The following PTPRH variants were observed in gnomAD, a reference collection of about 807,000 sequenced individuals.
PTPRH encodes receptor-type tyrosine-protein phosphatase H.
A neutral mutation model predicts 130.2 loss-of-function variants in PTPRH; 113 were observed. The observed-to-expected ratio is 0.87, with a 90% CI of 0.75 to 1.01. The LOEUF (loss-of-function observed/expected upper bound fraction) is 1.01. Ranked by LOEUF, PTPRH falls within the 50% of genes least tolerant of loss-of-function variation. The pLI, the probability that PTPRH is intolerant of heterozygous loss-of-function variation, is 0.00. For synonymous variants in PTPRH, 556 were observed against 577.9 expected, an observed-to-expected ratio of 0.96 and a Z score of 0.54; for missense variants, 1,430 against 1,425.0, an observed-to-expected ratio of 1.00 and a Z score of -0.06.
Position 55,182,126 on chromosome 19 carries a change from G to C in PTPRH, c.3088C>G (p.Leu1030Val), listed in dbSNP as rs1474536535. The C allele has an allele frequency of 6.2e-7, 1 of 1,613,876 alleles. No individual in the cohort carries two copies. Among genetic ancestry groups the C allele is most frequent in the East Asian group, 2.2e-5 (1 of 44,892 alleles). The stretch of plus-strand genomic sequence containing the variant: ...CGGAGCAGGACGTCCAGGGCAATGA[G>C]GGTTCCTGTGCGACCCACGCCAGCA... ...CSAGVGRTGTLIALDVLLRQL... is the reference protein window; with the variant it reads ...CSAGVGRTGTVIALDVLLRQL... Residue 1030 changes from leucine to valine, a missense_variant, in exon 19 of 20, where the codon CTC (leucine) becomes GTC (valine). Coordinates refer to ENST00000376350, the MANE Select transcript of PTPRH (RefSeq NM_002842.5).
intron 12 of PTPRH, among the ~76,000 whole-genome samples, chr19:55,188,773 C>G (rs1431984800): frequency 6.6e-6 from 1 of 152,128 alleles, no homozygotes; most frequent in Non-Finnish European, 1.5e-5. Flanking sequence ...CTGTGCCTGC[C>G]TTTTCTCCTG....
At chr19:55,187,361 GAAAAAAAGAA>G in intron 14 of PTPRH, 142 bp downstream of exon 14, 9 of 221,498 alleles carry the variant, frequency 4.1e-5, no homozygotes, top group South Asian at 3.0e-4. Context: ...AAAAAAAAAA[GAAAAAAAGAA>G]AAAAAAAAAA....
At chr19:55,185,732 C>T (rs1599972042) in intron 17 of PTPRH, 70 bp from the exon 18 acceptor site, 24 of 1,595,184 alleles carry the variant, frequency 1.5e-5, no homozygotes, top group East Asian at 1.1e-4. Flanking sequence ...GCACCAGGAG[C>T]GGGTTCCCTG....
Position 55,185,931 on chromosome 19 carries a change from G to A in PTPRH, c.2832C>T (p.His944=), listed in dbSNP as rs747091971. ...PLDSQPCTHG[H]LRVTLVGEEV... ...CCTCACCTACCAGGGTTACCCGCAG[G>A]TGCCCATGGGTGCAGGGCTGCGAGT... The change falls in exon 17 of 20, where the codon CAC becomes CAT. Residue 944 remains histidine, a synonymous_variant. Transcript: ENST00000376350. The A allele has an allele frequency of 1.2e-6, 2 of 1,613,994 alleles. No individual in the cohort carries two copies. The highest frequency in any genetic ancestry group is 1.1e-5 in the South Asian group (1 of 91,090).
At position 55,198,813 on chromosome 19, in the gene PTPRH, C is replaced by T; in HGVS notation, c.1520G>A (p.Ser507Asn). ...TTCCCTGACCCATGAGACCCAGTAGCTGTAGGAAGACTGGCCTGGGCCCTG... is the reference window on the plus strand; with the variant it reads ...TTCCCTGACCCATGAGACCCAGTAGTTGTAGGAAGACTGGCCTGGGCCCTG... ...APQGPGQSSY[S>N]YWVSWVREGM... The change falls in exon 8 of 20, where the codon AGC becomes AAC. Residue 507 changes from serine (S) to asparagine (N), a missense_variant. Transcript: ENST00000376350. 5 of 1,610,270 alleles carry T rather than the reference C, an allele frequency of 3.1e-6. No homozygotes were observed. Among genetic ancestry groups the T allele is most frequent in the Non-Finnish European group, 3.4e-6 (4 of 1,177,866 alleles).
At chr19:55,187,861 G>C (rs1261934001) in intron 13 of PTPRH, among the ~76,000 whole-genome samples, 1 of 152,056 alleles carries the variant, frequency 6.6e-6, no homozygotes, top group Non-Finnish European at 1.5e-5. Flanking sequence ...CTCACTGGGT[G>C]GGGGCAGAGA....
At chr19:55,195,542 GC>G (rs1328872464) in intron 10 of PTPRH, among the ~76,000 whole-genome samples, 1 of 152,042 alleles carries the variant, frequency 6.6e-6, no homozygotes, top group Non-Finnish European at 1.5e-5. Context: ...AGTGAAAGTG[GC>G]CAGTCACAAA....
At chr19:55,203,145 G>T (rs1014768410) in intron 5 of PTPRH, among the ~76,000 whole-genome samples, 1 of 151,234 alleles carries the variant, frequency 6.6e-6, no homozygotes, top group Admixed American at 6.6e-5. Flanking sequence ...TGGCTAACAC[G>T]GTGAAACCCG....
chr19:55,185,802 G>A (rs541461680), intron 17 of PTPRH, 60 bp downstream of exon 17: 9 of 1,612,538 alleles, frequency 5.6e-6, no homozygotes, highest in African/African-American at 5.3e-5. Flanking sequence ...GAGGGTCCTG[G>A]ATGCATGGCA....
At chr19:55,190,263 G>T (rs1329206668) in intron 12 of PTPRH, among the ~76,000 whole-genome samples, 1 of 150,158 alleles carries the variant, frequency 6.7e-6, no homozygotes, top group Non-Finnish European at 1.5e-5. Flanking sequence ...CCAGCTACTC[G>T]GGAGGCTGAG....
chr19:55,194,362 C>T (rs2086627294), intron 10 of PTPRH: 3 of 1,222,838 alleles, frequency 2.5e-6, no homozygotes, highest in Non-Finnish European at 3.1e-6. Flanking sequence ...GGAGACTTGG[C>T]CTCACAGAAT....
intron 6 of PTPRH, 70 bp from the exon 7 acceptor site, chr19:55,200,572 C>T: frequency 6.7e-7 from 1 of 1,489,716 alleles, no homozygotes; most frequent in Non-Finnish European, 9.2e-7. Context: ...GTGGGCCCCT[C>T]ACTGCCCTCA....
intron 10 of PTPRH, among the ~76,000 whole-genome samples, chr19:55,195,211 G>A (rs1253829669): frequency 6.6e-6 from 1 of 152,186 alleles, no homozygotes; most frequent in African/African-American, 2.4e-5. Context: ...TATAATCCCA[G>A]CTACTCAGGA....
chr19:55,186,288 G>A lies in PTPRH; in HGVS notation c.2715C>T (p.Arg905=). 6.2e-7 allele frequency: 1 copy of A among 1,614,066 alleles called. No individual in the cohort carries two copies. The highest frequency in any genetic ancestry group is 8.5e-7 in the Non-Finnish European group (1 of 1,179,974). The part of the protein sequence containing the change: ...PLPQTVGDFW[R]LVWEQQSHTL... ...TGTGGCTCTGCTGTTCCCACACCAGGCGCCAGAAGTCACCCACTGTCTGTG... is the reference window on the plus strand; with the variant it reads ...TGTGGCTCTGCTGTTCCCACACCAGACGCCAGAAGTCACCCACTGTCTGTG... The change falls in exon 16 of 20, where the codon CGC becomes CGT. Residue 905 remains arginine, a synonymous_variant. Transcript: ENST00000376350.
rs74901631 is a variant in PTPRH, at chr19:55,186,463, C to G, written c.2643+1G>C. On this transcript the variant is annotated splice_donor_variant, in intron 15 of 19. Transcript: ENST00000376350. LOFTEE classifies it high-confidence loss of function. ...CCTTTCAATCCCAACCACGACCTTA[C>G]GGGCATGAAGCTGGCATTGATGTAG... 6.2e-7 allele frequency: 1 copy of G among 1,608,818 alleles called. No homozygotes were observed. Among genetic ancestry groups the G allele is most frequent in the Non-Finnish European group, 8.5e-7 (1 of 1,178,820 alleles).
chr19:55,191,780 T>C lies in PTPRH; in HGVS notation c.2258-39A>G, dbSNP rs1344263171. The C allele has an allele frequency of 2.6e-6, 4 of 1,539,742 alleles. No homozygotes were observed. In the South Asian group the frequency reaches 4.5e-5, roughly 17 times the overall value. On this transcript the variant is annotated intron_variant, in intron 10 of 19. Transcript: ENST00000376350. The stretch of plus-strand genomic sequence containing the variant: ...GCATCGGGAACCCTCAGAGCGCAGG[T>C]CTGAGCTGCTCATCTGTCTCCAACC...
intron 7 of PTPRH, among the ~76,000 whole-genome samples, chr19:55,199,681 A>G (rs1178014365): frequency 6.6e-6 from 1 of 150,400 alleles, no homozygotes; most frequent in Non-Finnish European, 1.5e-5. Flanking sequence ...GAAAAGAGAA[A>G]GAAAGAGAGA....
chr19:55,209,301 C>T lies in PTPRH; in HGVS notation c.51+82G>A, dbSNP rs1340919560. The T allele has an allele frequency of 7.5e-6, 9 of 1,202,190 alleles. No homozygotes were observed. The highest frequency in any genetic ancestry group is 4.0e-5 in the Admixed American group (2 of 50,488). The allele number at this position is 1,202,190 out of a possible 1,614,324, so 74.5% of individuals were successfully genotyped here. On this transcript the variant is annotated intron_variant, in intron 1 of 19. Coordinates refer to ENST00000376350, the MANE Select transcript of PTPRH (RefSeq NM_002842.5). The surrounding 1 kb of genome is among the most constrained non-coding windows in gnomAD (Gnocchi z 4.1). Reference sequence around the variant, plus strand: ...TCTTCAGCACCTACTTCCTCAAGATCGAGGTGCAGGCACCCAGCTCCTTCT... The same window carrying T: ...TCTTCAGCACCTACTTCCTCAAGATTGAGGTGCAGGCACCCAGCTCCTTCT...
chr19:55,182,491 C>T (rs1387419436), intron 18 of PTPRH, among the ~76,000 whole-genome samples: 4 of 152,118 alleles, frequency 2.6e-5, no homozygotes, highest in African/African-American at 9.7e-5. Context: ...CCACTGCACT[C>T]CAGCCTGGGC....
Sources: gnomAD v4.1 joint callset for allele counts (sites outside exome capture counted in the v4.1 genomes callset) on GRCh38, gnomAD v4.1.1 for gene constraint, Gnocchi (gnomAD v3.1) non-coding constraint, MANE v1.5 for transcripts, NCBI Gene and HGNC (gene_info 2026-07-23, HGNC 2026-07-21) for gene names.